The following AGAP1 variants were observed in gnomAD, a reference collection of about 807,000 sequenced individuals.
AGAP1 encodes ArfGAP with GTPase domain, ankyrin repeat and PH domain 1.
In AGAP1, 29 loss-of-function variants were observed where a neutral mutation model predicts 105.3. The ratio of observed to expected loss-of-function variants is 0.28; its 90% confidence interval spans 0.21 to 0.38. The LOEUF is 0.38. Among genes scored for constraint, AGAP1 ranks in the 10% least tolerant of loss-of-function variants. AGAP1 has a pLI of 1.00. For missense variants in AGAP1, 998 were observed against 1,165.1 expected (o/e 0.86, Z 2.09); for synonymous variants, 509 against 485.9 (o/e 1.05, Z -0.63).
chr2:236,039,237 G>A (rs1377965964), intron 14 of AGAP1, among the ~76,000 whole-genome samples: 1 of 152,170 alleles, frequency 6.6e-6, no homozygotes, highest in East Asian at 1.9e-4. Context: ...TTGAGGCAAG[G>A]AGTTCGAGAC....
At chr2:235,684,171 AGCTGAGACTACAGGTGGCC>A (rs1411959639) in intron 1 of AGAP1, among the ~76,000 whole-genome samples, 2 of 152,032 alleles carry the variant, frequency 1.3e-5, no homozygotes, top group African/African-American at 4.8e-5. Context: ...CCTCCCAAGT[AGCTGAGACTACAGGTGGCC>A]GCCACCACGC....
chr2:235,709,746 A>G (rs1453671428), intron 2 of AGAP1, among the ~76,000 whole-genome samples: 1 of 152,142 alleles, frequency 6.6e-6, no homozygotes, highest in Non-Finnish European at 1.5e-5. Context: ...TTTGTCTTTT[A>G]CGAACCTTAC....
At chr2:235,939,956 C>T (rs1454934448) in intron 12 of AGAP1, among the ~76,000 whole-genome samples, 1 of 152,180 alleles carries the variant, frequency 6.6e-6, no homozygotes, top group African/African-American at 2.4e-5. Flanking sequence ...AGCCATGACT[C>T]CTCTCTCCTC....
intron 1 of AGAP1, among the ~76,000 whole-genome samples, chr2:235,564,014 A>G (rs767362257): frequency 2.6e-5 from 4 of 152,064 alleles, no homozygotes; most frequent in Non-Finnish European, 5.9e-5. Flanking sequence ...TTTGTGGGAG[A>G]GTGCATGTGT....
intron 9 of AGAP1, among the ~76,000 whole-genome samples, chr2:235,828,389 A>G (rs767051273): frequency 1.3e-5 from 2 of 152,182 alleles, no homozygotes; most frequent in Non-Finnish European, 2.9e-5. Context: ...CTTAGGAGGG[A>G]TAATAGCATA....
Position 235,577,039 on chromosome 2 carries a change from C to G in AGAP1, c.163+82190C>G, listed in dbSNP as rs376831251. Among the ~76,000 whole-genome samples, 9 of 152,202 alleles carry G rather than the reference C, an allele frequency of 5.9e-5. No homozygotes were observed. Among genetic ancestry groups the G allele is most frequent in the African/African-American group, 1.9e-4 (8 of 41,452 alleles). On this transcript the variant is annotated intron_variant, in intron 1 of 17. Coordinates refer to ENST00000304032, the MANE Select transcript of AGAP1 (RefSeq NM_001037131.3). The surrounding 1 kb of genome is among the most constrained non-coding windows in gnomAD (Gnocchi z 4.5). ...CCAAACTCTACCTCTGCATCTTCAC[C>G]AAGAAAAGCATTTCTGTTGTCCTGA...
chr2:236,101,556 C>G lies in AGAP1; in HGVS notation c.2115-18636C>G, dbSNP rs1441920422. Among the ~76,000 whole-genome samples, 1 of 152,240 alleles carries G rather than the reference C, an allele frequency of 6.6e-6. No individual in the cohort carries two copies. Among genetic ancestry groups the G allele is most frequent in the Non-Finnish European group, 1.5e-5 (1 of 68,042 alleles). On this transcript the variant is annotated intron_variant, in intron 16 of 17. Transcript: ENST00000304032. The surrounding 1 kb of genome is among the most constrained non-coding windows in gnomAD (Gnocchi z 4.9). ...TGTGAGAAGAGCCTTGGCTGTTCCT[C>G]TCCCTGGTGTTTAAAGGGCGTCGGT...
At chr2:235,657,593 G>A (rs1301065017) in intron 1 of AGAP1, among the ~76,000 whole-genome samples, 1 of 152,130 alleles carries the variant, frequency 6.6e-6, no homozygotes, top group Non-Finnish European at 1.5e-5. Context: ...TGTTGGCCAG[G>A]CTGGTCTCGA....
In AGAP1 at chr2:235,901,668, G is replaced by A. The variant is rs1266472633; in HGVS notation, c.1156-7070G>A. On this transcript the variant is annotated intron_variant, in intron 10 of 17. Transcript: ENST00000304032. This position sits in a 1 kb window ranked among gnomAD's most constrained non-coding sequence, Gnocchi z 4.3. ...GGCCAAGGCGGGTGGGTCACCTGAA[G>A]TCAGAAGTTGGAGACTAGTCTGGCC... Among the ~76,000 whole-genome samples, 3 of 152,174 alleles carry A rather than the reference G, an allele frequency of 2.0e-5. No individual in the cohort carries two copies.
chr2:235,713,048 C>T (rs2149527271), intron 2 of AGAP1, among the ~76,000 whole-genome samples: 1 of 152,306 alleles, frequency 6.6e-6, no homozygotes, highest in East Asian at 1.9e-4. Context: ...AGATTGATTG[C>T]CCTAAGGGAG....
At position 235,792,888 on chromosome 2, in the gene AGAP1, G is replaced by T. The variant is rs1253136943; in HGVS notation, c.674-4871G>T. On this transcript the variant is annotated intron_variant, in intron 6 of 17. Coordinates refer to ENST00000304032, the MANE Select transcript of AGAP1 (RefSeq NM_001037131.3). The surrounding 1 kb of genome is among the most constrained non-coding windows in gnomAD (Gnocchi z 5.3). ...GCAGTGGCGATCCTGGGAGCTCCTG[G>T]CACTGAGGTGGTGACCGAGACATTC... 6.6e-6 allele frequency among the ~76,000 whole-genome samples: 1 copy of T among 152,190 alleles called. No individual in the cohort carries two copies. Among genetic ancestry groups the T allele is most frequent in the Non-Finnish European group, 1.5e-5 (1 of 68,038 alleles).
intron 13 of AGAP1, among the ~76,000 whole-genome samples, chr2:235,985,763 A>G (rs1017667313): frequency 3.3e-5 from 5 of 152,172 alleles, no homozygotes; most frequent in African/African-American, 1.2e-4. Flanking sequence ...CAGGTTTGTC[A>G]AAGATCAGTT....
intron 16 of AGAP1, among the ~76,000 whole-genome samples, chr2:236,118,577 C>T (rs1272898762): frequency 6.6e-6 from 1 of 151,788 alleles, no homozygotes; most frequent in Non-Finnish European, 1.5e-5. Context: ...TTAGTAGAGA[C>T]AGGGTTTCAC....
chr2:235,872,890 G>A lies in AGAP1; in HGVS notation c.1051-10455G>A, dbSNP rs932960010. ...AGAGTGTGGACTAAGAAGGGGCTTG[G>A]CTTGTGTTGCCACATGTGAGAAGAC... On this transcript the variant is annotated intron_variant, in intron 9 of 17. Transcript: ENST00000304032. This position sits in a 1 kb window ranked among gnomAD's most constrained non-coding sequence, Gnocchi z 4.5. 2.6e-5 allele frequency among the ~76,000 whole-genome samples: 4 copies of A among 152,196 alleles called. No individual in the cohort carries two copies. The highest frequency in any genetic ancestry group is 9.6e-5 in the African/African-American group (4 of 41,454).
Position 235,535,478 on chromosome 2 carries a change from G to T in AGAP1, c.163+40629G>T, listed in dbSNP as rs192429700. 9.9e-4 allele frequency among the ~76,000 whole-genome samples: 116 copies of T among 117,676 alleles called. 1 individual carries two copies. The East Asian group carries it at 0.028, about 29-fold the overall frequency. 77.2% of individuals were successfully genotyped at this position (117,676 alleles called of 152,430 possible). Reference sequence around the variant, plus strand: ...AGGTGCAGGAGGAATTGATCTTAGGGTAGTATTTTGGATTTAAAAAAAAAA... The same window carrying T: ...AGGTGCAGGAGGAATTGATCTTAGGTTAGTATTTTGGATTTAAAAAAAAAA... On this transcript the variant is annotated intron_variant, in intron 1 of 17. Transcript: ENST00000304032. This position sits in a 1 kb window ranked among gnomAD's most constrained non-coding sequence, Gnocchi z 5.1.
intron 1 of AGAP1, among the ~76,000 whole-genome samples, chr2:235,533,734 G>C (rs151180653): frequency 6.6e-6 from 1 of 152,346 alleles, no homozygotes; most frequent in East Asian, 1.9e-4. Flanking sequence ...ATTTTCTCAT[G>C]TGTGAGGAGC....
rs1176180937 is a variant in AGAP1 at position 235,553,360 on chromosome 2, G to A, written c.163+58511G>A. Among the ~76,000 whole-genome samples, 2 of 152,024 alleles carry A rather than the reference G, an allele frequency of 1.3e-5. No homozygotes were observed. Among genetic ancestry groups the A allele is most frequent in the African/African-American group, 2.4e-5 (1 of 41,406 alleles). On this transcript the variant is annotated intron_variant, in intron 1 of 17. Coordinates refer to ENST00000304032, the MANE Select transcript of AGAP1 (RefSeq NM_001037131.3). The surrounding 1 kb of genome is among the most constrained non-coding windows in gnomAD (Gnocchi z 4.5). ...TTTTTTTTTGTCTTGGTCAGGTCAC[G>A]ATGTTCCTGTGAATTTTTAATAAAA...
rs1184039064 is a variant in AGAP1, at chr2:235,864,496, G to A, written c.1051-18849G>A. Among the ~76,000 whole-genome samples, 1 of 152,204 alleles carries A rather than the reference G, an allele frequency of 6.6e-6. No individual in the cohort carries two copies. The highest frequency in any genetic ancestry group is 2.4e-5 in the African/African-American group (1 of 41,446). ...GGAGGAGGTGGGCGGCCGGAAGGTG[G>A]TTGAGCGTTTCCGCTCCACTGCGCG... On this transcript the variant is annotated intron_variant, in intron 9 of 17. Transcript: ENST00000304032. The surrounding 1 kb of genome is among the most constrained non-coding windows in gnomAD (Gnocchi z 5.0).
At chr2:235,508,385 A>C (rs903507161) in intron 1 of AGAP1, among the ~76,000 whole-genome samples, 4 of 152,210 alleles carry the variant, frequency 2.6e-5, no homozygotes, top group African/African-American at 9.7e-5. Context: ...AAGTCTGCAG[A>C]AGTACTTGGG....
Sources: allele counts gnomAD v4.1 joint callset (sites outside exome capture counted in the v4.1 genomes callset), GRCh38; gene constraint gnomAD v4.1.1; non-coding constraint Gnocchi (gnomAD v3.1); transcripts MANE v1.5; gene names NCBI Gene and HGNC (gene_info 2026-07-23, HGNC 2026-07-21).